The following ATF7 variants were observed in gnomAD, a reference collection of about 807,000 sequenced individuals.
ATF7 encodes the protein cyclic AMP-dependent transcription factor ATF-7.
A neutral mutation model predicts 50.4 loss-of-function variants in ATF7; 10 were observed. The ratio of observed to expected loss-of-function variants is 0.20; its 90% CI spans 0.12 to 0.34. The LOEUF is 0.34. ATF7 is among the 10% of genes least tolerant of loss of function. The pLI is 1.00. For missense variants in ATF7, 465 were observed against 613.9 expected (o/e 0.76, Z 2.56); for synonymous variants, 201 against 226.4 (o/e 0.89, Z 1.01).
intron 3 of ATF7, chr12:53,543,898 GA>G (rs1384670557): frequency 1.3e-5 from 2 of 157,732 alleles, no homozygotes; most frequent in African/African-American, 4.8e-5. Flanking sequence ...CTGATGAGAA[GA>G]AACTGAGGAT....
intron 4 of ATF7, among the ~76,000 whole-genome samples, chr12:53,541,781 A>G (rs1235140469): frequency 6.6e-6 from 1 of 152,112 alleles, no homozygotes; most frequent in Non-Finnish European, 1.5e-5. Context: ...GAAGATCGCA[A>G]TTTGTTCACA....
At chr12:53,600,846 C>G (rs1314196063) in intron 2 of ATF7, 107 bp downstream of exon 2, 1 of 1,068,048 alleles carries the variant, frequency 9.4e-7, no homozygotes, top group African/African-American at 1.6e-5. Context: ...ATCTGATTAC[C>G]TCCAGTGATC....
rs1279443307 is a variant in ATF7 at position 53,512,094 on chromosome 12, A to G, written c.*5043T>C. 5 of 152,204 alleles carry G rather than the reference A, an allele frequency of 3.3e-5. No homozygotes were observed. The highest frequency in any genetic ancestry group is 7.2e-5 in the African/African-American group (3 of 41,438). The allele number at this position is 152,204 out of a possible 1,614,324, so 9.4% of individuals were successfully genotyped here. ...AGTTTAATGTTATATTTGCAGCATA[A>G]ATAAGGCACAATATATGCCAGGGCA... On this transcript the variant is annotated 3_prime_UTR_variant, in exon 12 of 12. Transcript: ENST00000420353.
chr12:53,576,779 G>T (rs1942090929), intron 2 of ATF7, among the ~76,000 whole-genome samples: 3 of 152,210 alleles, frequency 2.0e-5, no homozygotes, highest in African/African-American at 7.2e-5. Flanking sequence ...TCCCGACCAG[G>T]CACGGTGGCT....
At chr12:53,529,100 A>G (rs570696268) in intron 9 of ATF7, among the ~76,000 whole-genome samples, 315 of 152,230 alleles carry the variant, frequency 2.1e-3, no homozygotes, top group Non-Finnish European at 3.3e-3. Flanking sequence ...ATATAAAAAG[A>G]GGAAGCTGGA....
chr12:53,561,389 A>T (rs7967921), intron 2 of ATF7, among the ~76,000 whole-genome samples: 26,298 of 151,282 alleles, frequency 0.17, 2,912 homozygotes, highest in East Asian at 0.56. Context: ...AGTAAGTTCT[A>T]GAATAGTGAT....
intron 8 of ATF7, 25 bp downstream of exon 8, chr12:53,532,485 T>C: frequency 1.3e-6 from 2 of 1,526,880 alleles, no homozygotes; most frequent in Non-Finnish European, 1.8e-6. Flanking sequence ...AAGGCCAACA[T>C]TGCCCCAGAC....
chr12:53,547,759 GTA>G (rs1293722431), intron 3 of ATF7, among the ~76,000 whole-genome samples: 1 of 73,248 alleles, frequency 1.4e-5, no homozygotes, highest in African/African-American at 4.4e-5. Context: ...ATGTATGTAT[GTA>G]TGTATGTATG....
At chr12:53,603,983 G>T (rs1943505182) in intron 1 of ATF7, among the ~76,000 whole-genome samples, 1 of 152,152 alleles carries the variant, frequency 6.6e-6, no homozygotes, top group Non-Finnish European at 1.5e-5. Flanking sequence ...TTAACTCACA[G>T]CTCATTTATA....
chr12:53,542,474 T>A (rs1344933997), intron 4 of ATF7, among the ~76,000 whole-genome samples: 1 of 151,844 alleles, frequency 6.6e-6, no homozygotes, highest in Admixed American at 6.6e-5. Context: ...TCACCCAGGC[T>A]GGAGCACAGT....
At chr12:53,588,900 A>G (rs1288211919) in intron 2 of ATF7, among the ~76,000 whole-genome samples, 2 of 152,208 alleles carry the variant, frequency 1.3e-5, no homozygotes, top group African/African-American at 4.8e-5. Context: ...GCAGTTGCAG[A>G]AAGATTTCTT....
chr12:53,520,437 G>A (rs894631239), intron 11 of ATF7, among the ~76,000 whole-genome samples: 6 of 152,072 alleles, frequency 3.9e-5, no homozygotes, highest in African/African-American at 1.4e-4. Context: ...AATTAGCTGG[G>A]CATGGTGGTG....
chr12:53,602,128 G>A (rs1025878538), intron 1 of ATF7, among the ~76,000 whole-genome samples: 1 of 151,890 alleles, frequency 6.6e-6, no homozygotes, highest in African/African-American at 2.4e-5. Context: ...TGGAGTGGGG[G>A]GTAAAATAGT....
chr12:53,566,952 C>T (rs570239129), intron 2 of ATF7, among the ~76,000 whole-genome samples: 1 of 152,272 alleles, frequency 6.6e-6, no homozygotes, highest in South Asian at 2.1e-4. Flanking sequence ...TGGGGTTTCA[C>T]CATCTTGGTC....
At chr12:53,517,645 T>C (rs1355846237) in intron 11 of ATF7, 1 of 414,710 alleles carries the variant, frequency 2.4e-6, no homozygotes, top group Non-Finnish European at 4.4e-6. Context: ...GCATAGTTCA[T>C]TACCAACTCT....
intron 2 of ATF7, among the ~76,000 whole-genome samples, chr12:53,596,828 A>G (rs2137801753): frequency 6.6e-6 from 1 of 152,344 alleles, no homozygotes; most frequent in East Asian, 1.9e-4. Flanking sequence ...TATTATTTTA[A>G]CAACACAAAG....
intron 2 of ATF7, among the ~76,000 whole-genome samples, chr12:53,591,571 G>T (rs948542691): frequency 6.6e-6 from 1 of 152,170 alleles, no homozygotes; most frequent in Non-Finnish European, 1.5e-5. Context: ...TCTCCCTGTG[G>T]CTAAGGAATC....
At chr12:53,616,558 G>A (rs1352669140) in intron 1 of ATF7, among the ~76,000 whole-genome samples, 1 of 152,058 alleles carries the variant, frequency 6.6e-6, no homozygotes. Flanking sequence ...TTATTAAGAA[G>A]AGATACAATA....
At chr12:53,575,534 C>T (rs1942017641) in intron 2 of ATF7, 1 of 151,070 alleles carries the variant, frequency 6.6e-6, no homozygotes, top group African/African-American at 2.4e-5. Context: ...CAAGATGGCA[C>T]CACTGCACTC....
Sources: allele counts gnomAD v4.1 joint callset (sites outside exome capture counted in the v4.1 genomes callset), GRCh38; gene constraint gnomAD v4.1.1; transcripts MANE v1.5; gene names NCBI Gene and HGNC (gene_info 2026-07-23, HGNC 2026-07-21).